ACO2: variants seen among roughly 807,000 people sequenced by gnomAD.
ACO2 encodes aconitase 2.
A neutral mutation model predicts 84.5 loss-of-function variants in ACO2; 31 were observed. The observed-to-expected ratio is 0.37, with a 90% CI of 0.28 to 0.50. The LOEUF (loss-of-function observed/expected upper bound fraction) is 0.50. ACO2 is among the 20% of genes least tolerant of loss of function. ACO2 has a pLI of 0.97. For synonymous variants in ACO2, 414 were observed against 412.7 expected (o/e 1.00, Z -0.04); for missense variants, 685 against 1,029.3 (o/e 0.67, Z 4.58).
chr22:41,493,857 G>A (rs1293472616), intron 1 of ACO2, among the ~76,000 whole-genome samples: 2 of 152,168 alleles, frequency 1.3e-5, no homozygotes, highest in Admixed American at 6.5e-5. Flanking sequence ...TCAGGAGTTC[G>A]AGACCAGTCT....
At chr22:41,516,982 G>A (rs964575419) in intron 6 of ACO2, among the ~76,000 whole-genome samples, 19 of 151,956 alleles carry the variant, frequency 1.3e-4, no homozygotes, top group African/African-American at 4.6e-4. Context: ...CACCCACCTC[G>A]GCCTCCATCA....
intron 1 of ACO2, among the ~76,000 whole-genome samples, chr22:41,494,663 G>A (rs900715308): frequency 6.6e-6 from 1 of 150,800 alleles, no homozygotes; most frequent in Non-Finnish European, 1.5e-5. Flanking sequence ...CGCCTACCTC[G>A]GCCTCCCAAA....
intron 1 of ACO2, among the ~76,000 whole-genome samples, chr22:41,483,902 T>A (rs1319939539): frequency 6.6e-6 from 1 of 152,164 alleles, no homozygotes; most frequent in Non-Finnish European, 1.5e-5. Context: ...AGGATACTAA[T>A]GGATGTGAGT....
At chr22:41,522,064 C>T (rs763862910) in intron 9 of ACO2, among the ~76,000 whole-genome samples, 5 of 152,216 alleles carry the variant, frequency 3.3e-5, no homozygotes, top group Non-Finnish European at 7.3e-5. Flanking sequence ...TGAGCCACCG[C>T]GCCTGGCCAG....
chr22:41,470,528 C>CTTTTTTTTTTTTTTTTTTTTTTATTT (rs2037932742), intron 1 of ACO2, among the ~76,000 whole-genome samples: 1 of 95,858 alleles, frequency 1.0e-5, no homozygotes, highest in Admixed American at 1.3e-4. Context: ...CTCTTTACAT[C>CTTTTTTTTTTTTTTTTTTTTTTATTT]TTTTTTTTTT....
chr22:41,499,651 C>T (rs561934758), intron 1 of ACO2, 75 bp from the exon 2 acceptor site: 3 of 1,496,836 alleles, frequency 2.0e-6, no homozygotes, highest in South Asian at 1.3e-5. Flanking sequence ...ATTTTTTTCA[C>T]CATACTGAGC....
At chr22:41,474,229 G>A (rs138168155) in intron 1 of ACO2, among the ~76,000 whole-genome samples, 3,247 of 151,944 alleles carry the variant, frequency 0.021, 67 homozygotes, top group Non-Finnish European at 0.031. Context: ...TGGGTTTGGG[G>A]TCTTAGTAAC....
At chr22:41,495,896 C>T (rs1362653515) in intron 1 of ACO2, among the ~76,000 whole-genome samples, 6 of 151,968 alleles carry the variant, frequency 3.9e-5, no homozygotes, top group East Asian at 1.9e-4. Context: ...CCACCGCGCT[C>T]AGCCACAGTT....
At chr22:41,483,651 C>T (rs1234005712) in intron 1 of ACO2, among the ~76,000 whole-genome samples, 2 of 149,576 alleles carry the variant, frequency 1.3e-5, no homozygotes, top group Non-Finnish European at 3.0e-5. Context: ...AGTGAGACTC[C>T]GTCTTAAAAA....
At chr22:41,527,117 C>A (rs62236521) in intron 15 of ACO2, 171 bp from the exon 16 acceptor site, 7 of 951,382 alleles carry the variant, frequency 7.4e-6, no homozygotes, top group Non-Finnish European at 1.1e-5. Context: ...GTCTCATTCA[C>A]GCAGGCTTCA....
chr22:41,524,613 T>C (rs1569022117), intron 12 of ACO2, among the ~76,000 whole-genome samples: 1 of 152,222 alleles, frequency 6.6e-6, no homozygotes, highest in Non-Finnish European at 1.5e-5. Context: ...GGCCCGGCCC[T>C]GCAGGGATGG....
intron 15 of ACO2, 30 bp downstream of exon 15, chr22:41,526,483 G>A: frequency 6.3e-7 from 1 of 1,598,018 alleles, no homozygotes; most frequent in Non-Finnish European, 8.5e-7. Context: ...GGCAATGCCA[G>A]TGGTCACTCC....
chr22:41,498,047 G>A (rs995337743), intron 1 of ACO2, among the ~76,000 whole-genome samples: 2 of 152,220 alleles, frequency 1.3e-5, no homozygotes, highest in African/African-American at 4.8e-5. Flanking sequence ...GGGAGGCTGA[G>A]GCAGGAGAAG....
chr22:41,487,303 T>C (rs1300986128), intron 1 of ACO2, among the ~76,000 whole-genome samples: 1 of 152,248 alleles, frequency 6.6e-6, no homozygotes, highest in African/African-American at 2.4e-5. Flanking sequence ...CATCACTTTC[T>C]TGGAGAAGCC....
intron 12 of ACO2, among the ~76,000 whole-genome samples, chr22:41,524,632 G>A (rs1032383526): frequency 3.9e-5 from 6 of 152,370 alleles, no homozygotes; most frequent in East Asian, 3.9e-4. Context: ...GGGAGAGGCC[G>A]CACTGCCCTT....
Position 41,528,950 on chromosome 22 carries a change from C to G in ACO2, c.*337C>G. The G allele has an allele frequency of 2.0e-6, 1 of 510,456 alleles. No homozygotes were observed. The highest frequency in any genetic ancestry group is 1.9e-5 in the African/African-American group (1 of 51,398). 31.6% of individuals were successfully genotyped at this position (510,456 alleles called of 1,614,324 possible). A position where few individuals can be genotyped will look rare whatever the true frequency, so the allele number is the denominator to read the frequency against. On this transcript the variant is annotated 3_prime_UTR_variant, in exon 18 of 18. Transcript: ENST00000216254. ...GATTCTAGAGAACCTTTTGTTCTTGCAAGGAAAACAAGAATCCAAAACCAG... is the reference window on the plus strand; with the variant it reads ...GATTCTAGAGAACCTTTTGTTCTTGGAAGGAAAACAAGAATCCAAAACCAG...
chr22:41,525,392 C>T (rs567745935), intron 14 of ACO2, 44 bp downstream of exon 14: 2 of 1,603,734 alleles, frequency 1.2e-6, no homozygotes, highest in East Asian at 2.2e-5. Context: ...CCTGCCAGGG[C>T]CCCCCGTCCC....
chr22:41,499,059 T>C (rs1461923300), intron 1 of ACO2, among the ~76,000 whole-genome samples: 1 of 145,942 alleles, frequency 6.9e-6, no homozygotes, highest in Non-Finnish European at 1.5e-5. Context: ...ATCCCACCAC[T>C]GCACTCCCAC....
At chr22:41,469,330 G>T (rs117369326) in intron 1 of ACO2, 148 bp downstream of exon 1, 1 of 928,964 alleles carries the variant, frequency 1.1e-6, no homozygotes, top group Non-Finnish European at 1.6e-6. Flanking sequence ...ACCCGTGCCC[G>T]CTTCTCTGGT....
Sources: allele counts gnomAD v4.1 joint callset (sites outside exome capture counted in the v4.1 genomes callset), GRCh38; gene constraint gnomAD v4.1.1; transcripts MANE v1.5; gene names NCBI Gene and HGNC (gene_info 2026-07-23, HGNC 2026-07-21).